CYP2C19: variants seen among roughly 807,000 people sequenced by gnomAD.
CYP2C19 encodes cytochrome P450 2C19.
A neutral mutation model predicts 40.9 loss-of-function variants in CYP2C19; 59 were observed. That is an observed-to-expected ratio of 1.44 (90% CI 1.17 to 1.79). The LOEUF is 1.79. Among genes scored for constraint, CYP2C19 ranks in the 40% most tolerant of loss-of-function variants. The probability of loss-of-function intolerance (pLI) is 0.00; values close to 1 mark genes in which losing one functional copy is unlikely to be tolerated. For synonymous variants in CYP2C19, 253 were observed against 208.7 expected (o/e 1.21, Z -1.83); for missense variants, 754 against 596.9 (o/e 1.26, Z -2.74).
In CYP2C19 at chr10:94,832,730, G is replaced by T. The variant is rs1295912889; in HGVS notation, c.962-10107G>T. On this transcript the variant is annotated intron_variant, in intron 6 of 8. Transcript: ENST00000371321. ...AGTTTTGTTTTTTTTGCTTATGATA[G>T]TTTTGACTATTCTGGGTCTTTTGTG... Among the ~76,000 whole-genome samples the T allele has an allele frequency of 2.6e-5, 4 of 152,076 alleles. No individual in the cohort carries two copies. In the East Asian group the frequency reaches 7.7e-4, roughly 29 times the overall value.
chr10:94,837,463 C>T lies in CYP2C19; in HGVS notation c.962-5374C>T, dbSNP rs565545085. Among the ~76,000 whole-genome samples, 155 of 152,248 alleles carry T rather than the reference C, an allele frequency of 1.0e-3. 1 individual carries two copies. The highest frequency in any genetic ancestry group is 3.6e-3 in the African/African-American group (148 of 41,546). On this transcript the variant is annotated intron_variant, in intron 6 of 8. Transcript: ENST00000371321. ...AAGCAGGGGACAACCAATGGGTGTT[C>T]CTTCTCCTATGTTCAGGTGTATAAT...
At chr10:94,776,181 T>C (rs1435832888) in intron 3 of CYP2C19, 1 of 152,222 alleles carries the variant, frequency 6.6e-6, no homozygotes, top group Non-Finnish European at 1.5e-5. Context: ...CTCTATTGAT[T>C]TTGAGTAAAC....
intron 5 of CYP2C19, among the ~76,000 whole-genome samples, chr10:94,786,570 T>A (rs1342887619): frequency 6.6e-6 from 1 of 152,114 alleles, no homozygotes; most frequent in East Asian, 1.9e-4. Flanking sequence ...AGGAAGTGCA[T>A]GTTCAAGTTT....
Position 94,808,835 on chromosome 10 carries a change from A to G in CYP2C19, c.820-11661A>G, listed in dbSNP as rs77433850. On this transcript the variant is annotated intron_variant, in intron 5 of 8. Coordinates refer to ENST00000371321, the MANE Select transcript of CYP2C19 (RefSeq NM_000769.4). ...CCACGTTTTCTTTATCCACTCATCC[A>G]TTGATGAACACTTAGGTTGCTTCCA... Among the ~76,000 whole-genome samples, 1,185 of 152,232 alleles carry G rather than the reference A, an allele frequency of 7.8e-3. 19 individuals carry two copies. The highest frequency in any genetic ancestry group is 0.027 in the African/African-American group (1,139 of 41,548).
chr10:94,775,632 T>C, intron 3 of CYP2C19, 93 bp downstream of exon 3: 6 of 1,603,252 alleles, frequency 3.7e-6, no homozygotes, highest in Non-Finnish European at 5.1e-6. Context: ...CCAGATCTTT[T>C]ATTTGGAGTC....
At chr10:94,833,464 T>G (rs764817752) in intron 6 of CYP2C19, among the ~76,000 whole-genome samples, 1 of 152,136 alleles carries the variant, frequency 6.6e-6, no homozygotes, top group African/African-American at 2.4e-5. Context: ...TTTTTTTTTA[T>G]TATACTTTAA....
At chr10:94,846,387 C>T (rs1048859516) in intron 7 of CYP2C19, among the ~76,000 whole-genome samples, 1 of 152,168 alleles carries the variant, frequency 6.6e-6, no homozygotes, top group Non-Finnish European at 1.5e-5. Context: ...GGCAGAGGCA[C>T]ATAATGTTAC....
At chr10:94,818,012 C>G (rs1389715585) in intron 5 of CYP2C19, among the ~76,000 whole-genome samples, 1 of 77,150 alleles carries the variant, frequency 1.3e-5, no homozygotes, top group Non-Finnish European at 2.5e-5. Context: ...GACTCCATCT[C>G]AAAAAAAAAA....
rs71482319 is a variant in CYP2C19, at chr10:94,810,805, C to T, written c.820-9691C>T. 2.4e-3 allele frequency among the ~76,000 whole-genome samples: 363 copies of T among 150,724 alleles called. 1 individual carries two copies. The highest frequency in any genetic ancestry group is 4.2e-3 in the Non-Finnish European group (284 of 67,114). The stretch of plus-strand genomic sequence containing the variant: ...TCTTCTTTATTAGTCTGGCTAGCAG[C>T]CTATTTTGTTAATCTTTTCAGAAAA... On this transcript the variant is annotated intron_variant, in intron 5 of 8. Coordinates refer to ENST00000371321, the MANE Select transcript of CYP2C19 (RefSeq NM_000769.4).
At chr10:94,787,154 A>T (rs553869011) in intron 5 of CYP2C19, among the ~76,000 whole-genome samples, 1 of 151,970 alleles carries the variant, frequency 6.6e-6, no homozygotes, top group South Asian at 2.1e-4. Flanking sequence ...AGCCTTACCA[A>T]CATCTGTTAT....
intron 5 of CYP2C19, among the ~76,000 whole-genome samples, chr10:94,809,563 T>G (rs778605558): frequency 2.9e-4 from 44 of 152,022 alleles, no homozygotes; most frequent in Admixed American, 1.8e-3. Flanking sequence ...TTTATTTCTT[T>G]CTCTTGCCTG....
At chr10:94,766,726 G>A (rs1208914659) in intron 1 of CYP2C19, among the ~76,000 whole-genome samples, 1 of 152,056 alleles carries the variant, frequency 6.6e-6, no homozygotes, top group African/African-American at 2.4e-5. Context: ...CAGTTCGCAG[G>A]TGTATTGAGG....
chr10:94,842,969 G>T lies in CYP2C19; in HGVS notation c.1094G>T (p.Ser365Ile). 6.2e-7 allele frequency: 1 copy of T among 1,614,182 alleles called. No homozygotes were observed. Among genetic ancestry groups the T allele is most frequent in the Non-Finnish European group, 8.5e-7 (1 of 1,180,030 alleles). The change falls in exon 7 of 9, where the codon AGC (serine) becomes ATC (isoleucine). Residue 365 changes from serine to isoleucine, a missense_variant. Ser to Ile is a moderately radical substitution (Grantham distance 142, BLOSUM62 -2). Transcript: ENST00000371321. The part of the protein sequence containing the change: ...VQRYIDLIPT[S>I]LPHAVTCDVK... Reference sequence around the variant, plus strand: ...AGATACATCGACCTCATCCCCACCAGCCTGCCCCATGCAGTGACCTGTGAC... The same window carrying T: ...AGATACATCGACCTCATCCCCACCATCCTGCCCCATGCAGTGACCTGTGAC...
chr10:94,804,902 T>C (rs1848813240), intron 5 of CYP2C19, among the ~76,000 whole-genome samples: 1 of 152,208 alleles, frequency 6.6e-6, no homozygotes, highest in Non-Finnish European at 1.5e-5. Flanking sequence ...TAGCAATGTT[T>C]AATAGTTTTT....
At chr10:94,843,889 A>G (rs1367466543) in intron 7 of CYP2C19, among the ~76,000 whole-genome samples, 1 of 152,220 alleles carries the variant, frequency 6.6e-6, no homozygotes, top group African/African-American at 2.4e-5. Flanking sequence ...ATTGAAAATG[A>G]TGCTAGAAGT....
chr10:94,812,480 G>T (rs2134261231), intron 5 of CYP2C19, among the ~76,000 whole-genome samples: 1 of 152,070 alleles, frequency 6.6e-6, no homozygotes, highest in East Asian at 1.9e-4. Context: ...TTACAACTTG[G>T]TTCCATTCTC....
intron 3 of CYP2C19, 136 bp from the exon 4 acceptor site, chr10:94,780,363 A>T (rs1480379415): frequency 6.2e-6 from 7 of 1,133,008 alleles, no homozygotes; most frequent in Non-Finnish European, 8.6e-6. Context: ...TGCATGCCAA[A>T]CTCTTTTTTG....
intron 6 of CYP2C19, among the ~76,000 whole-genome samples, chr10:94,821,038 G>C (rs1042595354): frequency 6.6e-6 from 1 of 152,096 alleles, no homozygotes; most frequent in Admixed American, 6.6e-5. Flanking sequence ...AGCCAAGATT[G>C]TGCCATTGCA....
chr10:94,815,183 C>T (rs953024203), intron 5 of CYP2C19, among the ~76,000 whole-genome samples: 2 of 150,890 alleles, frequency 1.3e-5, no homozygotes, highest in Admixed American at 1.3e-4. Flanking sequence ...CACTGTTCTT[C>T]TTACTTAAGA....
Sources: allele counts gnomAD v4.1 joint callset (sites outside exome capture counted in the v4.1 genomes callset), GRCh38; gene constraint gnomAD v4.1.1; transcripts MANE v1.5; gene names NCBI Gene and HGNC (gene_info 2026-07-23, HGNC 2026-07-21).